MAD1L1: variants seen among roughly 807,000 people sequenced by gnomAD.
MAD1L1 encodes the protein mitotic arrest deficient 1 like 1.
Under a neutral mutation model 96.9 loss-of-function variants are expected in MAD1L1, and 95 were observed. That is an observed-to-expected ratio of 0.98 (90% confidence interval 0.83 to 1.16). The LOEUF (loss-of-function observed/expected upper bound fraction) is 1.16, where lower values mean the gene tolerates loss of function less well. Among genes scored for constraint, MAD1L1 ranks in the 50% most tolerant of loss-of-function variants. The pLI is 0.00. For missense variants in MAD1L1, 1,007 were observed against 954.4 expected (o/e 1.06, Z -0.73); for synonymous variants, 473 against 396.6 (o/e 1.19, Z -2.29).
At chr7:1,947,428 C>A (rs1351432690) in intron 16 of MAD1L1, among the ~76,000 whole-genome samples, 1 of 152,236 alleles carries the variant, frequency 6.6e-6, no homozygotes, top group Non-Finnish European at 1.5e-5. Context: ...ATAGATCGTC[C>A]GGCGTCAAAA....
chr7:1,838,141 C>T (rs1476756751), intron 18 of MAD1L1, among the ~76,000 whole-genome samples: 1 of 152,218 alleles, frequency 6.6e-6, no homozygotes, highest in Non-Finnish European at 1.5e-5. Context: ...TCACATTTTG[C>T]ATTTGAATCT....
intron 10 of MAD1L1, among the ~76,000 whole-genome samples, chr7:2,190,814 G>A (rs904726272): frequency 1.3e-5 from 2 of 152,078 alleles, no homozygotes; most frequent in East Asian, 1.9e-4. Context: ...TTCGGGATGC[G>A]GGGCCAGCGG....
rs1781776197 is a variant in MAD1L1 at position 1,816,019 on chromosome 7, T to C, written c.*51A>G. On this transcript the variant is annotated 3_prime_UTR_variant, in exon 19 of 19. Coordinates refer to ENST00000265854, the MANE Select transcript of MAD1L1 (RefSeq NM_001013836.2). Reference sequence around the variant, plus strand: ...CCTGTGGCTGGCGGGGCAGGGGACCTGCAGGTCAGGCCAAGCAGAGTGGCT... The same window carrying C: ...CCTGTGGCTGGCGGGGCAGGGGACCCGCAGGTCAGGCCAAGCAGAGTGGCT... 2 of 1,531,448 alleles carry C rather than the reference T, an allele frequency of 1.3e-6. No homozygotes were observed. Among genetic ancestry groups the C allele is most frequent in the Admixed American group, 3.9e-5 (2 of 50,634 alleles). The allele number at this position is 1,531,448 out of a possible 1,614,324, so 94.9% of individuals were successfully genotyped here. A position where few individuals can be genotyped will look rare whatever the true frequency, so the allele number is the denominator to read the frequency against.
chr7:2,021,987 A>C (rs1368376505), intron 12 of MAD1L1, among the ~76,000 whole-genome samples: 1 of 151,272 alleles, frequency 6.6e-6, no homozygotes, highest in East Asian at 2.0e-4. Context: ...ACAGAGTCTC[A>C]CTCTGTTGCC....
chr7:1,821,249 C>T (rs539412853), intron 18 of MAD1L1, among the ~76,000 whole-genome samples: 2 of 152,114 alleles, frequency 1.3e-5, no homozygotes, highest in South Asian at 4.2e-4. Flanking sequence ...ACTACCAAAA[C>T]GTGCCAAGAT....
chr7:2,211,090 A>G (rs952044532), intron 10 of MAD1L1, among the ~76,000 whole-genome samples: 2 of 152,136 alleles, frequency 1.3e-5, no homozygotes, highest in Non-Finnish European at 2.9e-5. Flanking sequence ...TTCCTCATCA[A>G]AGCTGCAGGG....
chr7:2,093,696 G>C (rs1169134721), intron 11 of MAD1L1, among the ~76,000 whole-genome samples: 1 of 152,184 alleles, frequency 6.6e-6, no homozygotes, highest in Admixed American at 6.5e-5. Context: ...AAGAGGAAGT[G>C]GCCCCCAAGA....
At chr7:2,058,713 G>A (rs181350249) in intron 12 of MAD1L1, among the ~76,000 whole-genome samples, 2 of 126,894 alleles carry the variant, frequency 1.6e-5, no homozygotes, top group African/African-American at 3.0e-5. Flanking sequence ...CCAGGGGAGA[G>A]GAGAGGCGCA....
At chr7:1,873,708 C>G (rs1261737387) in intron 18 of MAD1L1, among the ~76,000 whole-genome samples, 1 of 152,086 alleles carries the variant, frequency 6.6e-6, no homozygotes, top group African/African-American at 2.4e-5. Flanking sequence ...ACCCCGGGTG[C>G]AGGATGTGCC....
intron 18 of MAD1L1, among the ~76,000 whole-genome samples, chr7:1,897,485 G>A (rs954729953): frequency 1.1e-4 from 17 of 152,184 alleles, no homozygotes; most frequent in Admixed American, 2.0e-4. Context: ...CTCACAAACC[G>A]GAGGTTAGCT....
At chr7:1,896,830 T>C (rs1786905409) in intron 18 of MAD1L1, among the ~76,000 whole-genome samples, 2 of 152,250 alleles carry the variant, frequency 1.3e-5, no homozygotes, top group Non-Finnish European at 2.9e-5. Flanking sequence ...TAACGAGTGA[T>C]ATGTTAAGTG....
intron 18 of MAD1L1, among the ~76,000 whole-genome samples, chr7:1,893,339 A>G (rs2128439202): frequency 6.6e-6 from 1 of 152,256 alleles, no homozygotes; most frequent in Admixed American, 6.5e-5. Flanking sequence ...CAAACCCTCA[A>G]TTATCCCAGC....
chr7:1,935,456 G>GCAGA (rs1778541754), intron 17 of MAD1L1, among the ~76,000 whole-genome samples: 1 of 152,126 alleles, frequency 6.6e-6, no homozygotes, highest in Non-Finnish European at 1.5e-5. Flanking sequence ...CACACCACCC[G>GCAGA]CTAGCCAGCC....
intron 11 of MAD1L1, among the ~76,000 whole-genome samples, chr7:2,084,210 T>C (rs923100776): frequency 1.3e-5 from 2 of 152,172 alleles, no homozygotes; most frequent in African/African-American, 2.4e-5. Flanking sequence ...TTTCTGCGTA[T>C]GTGTAGAAAA....
chr7:2,051,763 C>A (rs1784188337), intron 12 of MAD1L1, among the ~76,000 whole-genome samples: 1 of 140,646 alleles, frequency 7.1e-6, no homozygotes, highest in African/African-American at 2.7e-5. Context: ...ACCACCCCCA[C>A]CAGCTGCCCT....
chr7:1,949,912 G>A (rs1043040965), intron 16 of MAD1L1, among the ~76,000 whole-genome samples: 4 of 152,208 alleles, frequency 2.6e-5, no homozygotes, highest in African/African-American at 7.2e-5. Context: ...CAGCTTTGAG[G>A]AGCCCGGACC....
intron 10 of MAD1L1, among the ~76,000 whole-genome samples, chr7:2,189,165 A>G (rs1038494960): frequency 6.6e-6 from 1 of 152,226 alleles, no homozygotes; most frequent in Non-Finnish European, 1.5e-5. Flanking sequence ...CACCAAAAAA[A>G]AAATCACATC....
chr7:2,131,326 G>A (rs1339859939), intron 11 of MAD1L1, among the ~76,000 whole-genome samples: 1 of 152,196 alleles, frequency 6.6e-6, no homozygotes, highest in African/African-American at 2.4e-5. Context: ...ACCTTGTGAT[G>A]AGAGGCTACA....
intron 18 of MAD1L1, among the ~76,000 whole-genome samples, chr7:1,823,892 A>G (rs1277189738): frequency 6.6e-6 from 1 of 151,222 alleles, no homozygotes; most frequent in Non-Finnish European, 1.5e-5. Flanking sequence ...GCTTCCCTGA[A>G]GCCCAATCCT....
Sources: allele counts gnomAD v4.1 joint callset (sites outside exome capture counted in the v4.1 genomes callset), GRCh38; gene constraint gnomAD v4.1.1; transcripts MANE v1.5; gene names NCBI Gene and HGNC (gene_info 2026-07-23, HGNC 2026-07-21).